AP3B1: variants seen among roughly 807,000 people sequenced by gnomAD.
The protein encoded by AP3B1 is adaptor related protein complex 3 subunit beta 1, also known as AP-3 complex subunit beta-1.
A neutral mutation model predicts 132.5 loss-of-function variants in AP3B1; 61 were observed. That is an observed-to-expected ratio of 0.46 (90% CI 0.37 to 0.57). The LOEUF (loss-of-function observed/expected upper bound fraction) is 0.57, where lower values mean the gene tolerates loss of function less well. AP3B1 is among the 20% of genes least tolerant of loss of function. The probability of loss-of-function intolerance (pLI) is 0.00; values close to 1 mark genes in which losing one functional copy is unlikely to be tolerated. For missense variants in AP3B1, 1,120 were observed against 1,289.4 expected (o/e 0.87, Z 2.01); for synonymous variants, 388 against 438.3 (o/e 0.89, Z 1.43).
intron 23 of AP3B1, among the ~76,000 whole-genome samples, chr5:78,038,498 C>T (rs958629257): frequency 4.6e-5 from 7 of 152,136 alleles, no homozygotes; most frequent in Non-Finnish European, 8.8e-5. Flanking sequence ...TTTTAAGAAA[C>T]TTTATGAATT....
At chr5:78,059,980 G>A (rs1247493016) in intron 22 of AP3B1, among the ~76,000 whole-genome samples, 1 of 151,958 alleles carries the variant, frequency 6.6e-6, no homozygotes, top group Non-Finnish European at 1.5e-5. Flanking sequence ...ATGTTTCAAT[G>A]GGGAAAAGGA....
intron 1 of AP3B1, among the ~76,000 whole-genome samples, chr5:78,289,794 T>G (rs905709978): frequency 6.6e-6 from 1 of 152,198 alleles, no homozygotes; most frequent in Non-Finnish European, 1.5e-5. Context: ...CAAACTGCCT[T>G]CTCGTCTAAC....
intron 11 of AP3B1, among the ~76,000 whole-genome samples, chr5:78,166,200 G>C (rs2112379262): frequency 6.7e-6 from 1 of 150,082 alleles, no homozygotes; most frequent in East Asian, 2.0e-4. Context: ...ATGTGGTAAG[G>C]CATTATACCC....
At chr5:78,153,995 G>C (rs982788052) in intron 14 of AP3B1, among the ~76,000 whole-genome samples, 4 of 152,106 alleles carry the variant, frequency 2.6e-5, no homozygotes, top group Non-Finnish European at 1.5e-5. Context: ...CACAATTCTA[G>C]TGTTACAATA....
At chr5:78,155,022 T>C (rs1360619337) in intron 14 of AP3B1, among the ~76,000 whole-genome samples, 2 of 152,166 alleles carry the variant, frequency 1.3e-5, no homozygotes, top group African/African-American at 4.8e-5. Context: ...CAGATGTTCA[T>C]CAGTCTCTGG....
At chr5:78,287,457 T>C (rs1001937861) in intron 1 of AP3B1, among the ~76,000 whole-genome samples, 1 of 152,180 alleles carries the variant, frequency 6.6e-6, no homozygotes, top group Admixed American at 6.5e-5. Flanking sequence ...CAAATTTCTA[T>C]TCAATGTAGT....
chr5:78,001,112 A>C (rs1407792757), downstream of AP3B1: 1 of 152,222 alleles, frequency 6.6e-6, no homozygotes, highest in East Asian at 1.9e-4. Context: ...CAAATGTGTG[A>C]ACTATCTTTT....
chr5:78,064,565 C>T (rs983344929), intron 22 of AP3B1, among the ~76,000 whole-genome samples: 1 of 152,130 alleles, frequency 6.6e-6, no homozygotes, highest in East Asian at 1.9e-4. Context: ...TGTCTGATAG[C>T]TGCTAAAGAT....
intron 3 of AP3B1, among the ~76,000 whole-genome samples, chr5:78,235,373 T>C (rs915606563): frequency 2.6e-5 from 4 of 152,176 alleles, no homozygotes; most frequent in South Asian, 2.1e-4. Context: ...AGAGTTTATA[T>C]TGGCAACACT....
At chr5:78,054,631 G>C (rs1308556334) in intron 22 of AP3B1, among the ~76,000 whole-genome samples, 1 of 152,164 alleles carries the variant, frequency 6.6e-6, no homozygotes, top group Admixed American at 6.6e-5. Flanking sequence ...AAAATTGTAT[G>C]AGGGAAACCG....
chr5:78,223,325 T>C (rs1746268608), intron 6 of AP3B1, among the ~76,000 whole-genome samples: 1 of 152,000 alleles, frequency 6.6e-6, no homozygotes, highest in Admixed American at 6.6e-5. Flanking sequence ...AAAATAAACA[T>C]ATAGTATATA....
chr5:78,232,662 G>A (rs1746695850), intron 3 of AP3B1, among the ~76,000 whole-genome samples: 1 of 152,110 alleles, frequency 6.6e-6, no homozygotes, highest in Non-Finnish European at 1.5e-5. Context: ...AAAGTTCCAA[G>A]ACTAGTTCAC....
At chr5:78,121,068 C>A (rs533914916) in intron 17 of AP3B1, among the ~76,000 whole-genome samples, 71 of 152,302 alleles carry the variant, frequency 4.7e-4, no homozygotes, top group Non-Finnish European at 7.3e-4. Context: ...TGCATGGAAA[C>A]TGAACAACCT....
At chr5:78,021,279 T>A (rs1747084367) in intron 24 of AP3B1, among the ~76,000 whole-genome samples, 1 of 152,042 alleles carries the variant, frequency 6.6e-6, no homozygotes, top group African/African-American at 2.4e-5. Context: ...TAAAGTAATA[T>A]CTCATCTGCA....
intron 21 of AP3B1, among the ~76,000 whole-genome samples, chr5:78,090,974 A>T (rs1750485556): frequency 6.7e-6 from 1 of 149,576 alleles, no homozygotes; most frequent in Non-Finnish European, 1.5e-5. Flanking sequence ...TTTTTTAGAG[A>T]TGGGATCTCC....
intron 14 of AP3B1, among the ~76,000 whole-genome samples, chr5:78,148,487 C>G (rs751858133): frequency 1.9e-4 from 29 of 152,176 alleles, no homozygotes; most frequent in Non-Finnish European, 3.5e-4. Flanking sequence ...ATAATAATTT[C>G]ACTTCTCTCC....
Position 78,141,339 on chromosome 5 carries a change from A to C in AP3B1, c.1474-20T>G. ...AGGAACCTAATATGAGAAGCAGATTACATAGTTAGAAGTAAGTTAATCATA... is the reference window on the plus strand; with the variant it reads ...AGGAACCTAATATGAGAAGCAGATTCCATAGTTAGAAGTAAGTTAATCATA... On this transcript the variant is annotated intron_variant, in intron 14 of 26. Transcript: ENST00000255194. 6.2e-7 allele frequency: 1 copy of C among 1,604,076 alleles called. No individual in the cohort carries two copies. Among genetic ancestry groups the C allele is most frequent in the East Asian group, 2.2e-5 (1 of 44,784 alleles).
At chr5:78,163,004 A>C in intron 12 of AP3B1, 53 bp from the exon 13 acceptor site, 1 of 1,541,452 alleles carries the variant, frequency 6.5e-7, no homozygotes, top group Non-Finnish European at 9.0e-7. Context: ...GAGTTAACCA[A>C]AACTCCGATT....
chr5:78,015,847 T>C (rs1426248181), intron 25 of AP3B1: 12 of 335,728 alleles, frequency 3.6e-5, no homozygotes, highest in Non-Finnish European at 6.7e-5. Flanking sequence ...TTCAGTCTCT[T>C]TAAAGTATAC....
Sources: allele counts gnomAD v4.1 joint callset (sites outside exome capture counted in the v4.1 genomes callset), GRCh38; gene constraint gnomAD v4.1.1; transcripts MANE v1.5; gene names NCBI Gene and HGNC (gene_info 2026-07-23, HGNC 2026-07-21).